The following SYT7 variants were observed in gnomAD, a reference collection of about 807,000 sequenced individuals.
SYT7 encodes synaptotagmin-7.
Under a neutral mutation model 75.1 loss-of-function variants are expected in SYT7, and 29 were observed. The ratio of observed to expected loss-of-function variants is 0.39; its 90% CI spans 0.29 to 0.53. The LOEUF (loss-of-function observed/expected upper bound fraction) is 0.53. Among genes scored for constraint, SYT7 ranks in the 20% least tolerant of loss-of-function variants. The pLI, the probability that SYT7 is intolerant of heterozygous loss-of-function variation, is 0.77. For synonymous variants in SYT7, 376 were observed against 401.7 expected (o/e 0.94, Z 0.76); for missense variants, 693 against 953.2 (o/e 0.73, Z 3.59).
At chr11:61,573,877 G>T (rs1488919380) in intron 1 of SYT7, among the ~76,000 whole-genome samples, 1 of 152,222 alleles carries the variant, frequency 6.6e-6, no homozygotes, top group Non-Finnish European at 1.5e-5. Flanking sequence ...ACACCCTTAG[G>T]TCTGGCAGCG....
chr11:61,540,669 T>C lies in SYT7; in HGVS notation c.941+1542A>G, dbSNP rs986606386. 2.6e-5 allele frequency: 26 copies of C among 985,490 alleles called. No individual in the cohort carries two copies. In the Admixed American group the frequency reaches 1.4e-3, roughly 51 times the overall value. The allele number at this position is 985,490 out of a possible 1,614,324, so 61.0% of individuals were successfully genotyped here. On this transcript the variant is annotated intron_variant, in intron 6 of 12. Coordinates refer to ENST00000539008, the MANE Select transcript of SYT7 (RefSeq NM_001365809.2). ...AGGGAAGAGATGGTACCCGGGTTCCTGGCAGGCCCCTGGCCCAGTTTAATG... is the reference window on the plus strand; with the variant it reads ...AGGGAAGAGATGGTACCCGGGTTCCCGGCAGGCCCCTGGCCCAGTTTAATG...
rs563290131 is a variant in SYT7, at chr11:61,574,247, C to T, written c.31+6543G>A. 2.8e-4 allele frequency among the ~76,000 whole-genome samples: 43 copies of T among 152,294 alleles called. No individual in the cohort carries two copies. In the South Asian group the frequency reaches 3.5e-3, roughly 12 times the overall value. ...GCCTTATCTCACCTCATCTTCCAAC[C>T]GCCTGGGAGGTAAGAACCATCATCA... On this transcript the variant is annotated intron_variant, in intron 1 of 12. Transcript: ENST00000539008.
chr11:61,559,191 C>G (rs2063576813), intron 1 of SYT7, among the ~76,000 whole-genome samples: 1 of 152,068 alleles, frequency 6.6e-6, no homozygotes, highest in South Asian at 2.1e-4. Context: ...AACAAAGGAC[C>G]CTGGGAGCAC....
chr11:61,517,762 G>A lies in SYT7; in HGVS notation c.*865C>T, dbSNP rs955395836. On this transcript the variant is annotated 3_prime_UTR_variant, in exon 13 of 13. Transcript: ENST00000539008. ...TGCACACAGTAGGTGCCTAAAAGGTGTGAGTCAGTGTTCAAGAGATGAAAT... is the reference window on the plus strand; with the variant it reads ...TGCACACAGTAGGTGCCTAAAAGGTATGAGTCAGTGTTCAAGAGATGAAAT... 2 of 393,984 alleles carry A rather than the reference G, an allele frequency of 5.1e-6. No homozygotes were observed. Among genetic ancestry groups the A allele is most frequent in the African/African-American group, 2.1e-5 (1 of 48,400 alleles). The allele number at this position is 393,984 out of a possible 1,614,324, so 24.4% of individuals were successfully genotyped here.
At position 61,551,425 on chromosome 11, in the gene SYT7, C is replaced by T. The variant is rs1477953005; in HGVS notation, c.174G>A (p.Thr58=). ...RYKNSLETVG[T]PDSGRGRSEK... ...CACTGCGCCCACGCCCTGAGTCTGG[C>T]GTGCCCACCGTCTCCAAGGAATTCT... The change falls in exon 3 of 13, where the codon ACG becomes ACA. Residue 58 remains threonine, a synonymous_variant. Transcript: ENST00000539008. This position sits in a 1 kb window ranked among gnomAD's most constrained non-coding sequence, Gnocchi z 5.3. 17 of 1,613,780 alleles carry T rather than the reference C, an allele frequency of 1.1e-5. No homozygotes were observed. The highest frequency in any genetic ancestry group is 1.1e-5 in the South Asian group (1 of 91,078).
rs552922507 is a variant in SYT7 at position 61,533,658 on chromosome 11, T to G, written c.1065-534A>C. The G allele has an allele frequency of 5.1e-6, 5 of 985,430 alleles. No homozygotes were observed. In the African/African-American group the frequency reaches 7.0e-5, roughly 14 times the overall value. The allele number at this position is 985,430 out of a possible 1,614,324, so 61.0% of individuals were successfully genotyped here. On this transcript the variant is annotated intron_variant, in intron 7 of 12. Coordinates refer to ENST00000539008, the MANE Select transcript of SYT7 (RefSeq NM_001365809.2). ...TCTTCCCACCCTCCAGACGTGAGAC[T>G]GACCAGGTGAGGTCAGGACAACTCT...
At chr11:61,538,342 A>AGAGG (rs1312192550) in intron 6 of SYT7, 76 bp from the exon 7 acceptor site, 19 of 848,890 alleles carry the variant, frequency 2.2e-5, no homozygotes, top group Admixed American at 7.7e-5. Context: ...GGAAGGAGAG[A>AGAGG]GAGGGAGAGA....
the SYT7 span, among the ~76,000 whole-genome samples, chr11:61,586,825 C>T: frequency 1.3e-5 from 2 of 152,108 alleles, no homozygotes; most frequent in African/African-American, 2.4e-5. Context: ...GGTCTATCCA[C>T]ACCTTTTCTC....
Position 61,580,547 on chromosome 11 carries a change from C to G in SYT7, c.31+243G>C. On this transcript the variant is annotated intron_variant, in intron 1 of 12. Coordinates refer to ENST00000539008, the MANE Select transcript of SYT7 (RefSeq NM_001365809.2). This position sits in a 1 kb window ranked among gnomAD's most constrained non-coding sequence, Gnocchi z 6.1. ...GCTGTTGAGGGGTGGGGGAGAGGTC[C>G]TTGTGGGGACACTGCGAAGCCGGTC... 6.6e-6 allele frequency among the ~76,000 whole-genome samples: 1 copy of G among 152,144 alleles called. No individual in the cohort carries two copies. Among genetic ancestry groups the G allele is most frequent in the East Asian group, 1.9e-4 (1 of 5,166 alleles).
chr11:61,542,439 C>G lies in SYT7; in HGVS notation c.713G>C (p.Arg238Pro). 1 of 1,532,706 alleles carries G rather than the reference C, an allele frequency of 6.5e-7. No individual in the cohort carries two copies. The highest frequency in any genetic ancestry group is 1.2e-5 in the South Asian group (1 of 83,856). The allele number at this position is 1,532,706 out of a possible 1,614,324, so 94.9% of individuals were successfully genotyped here. Residue 238 changes from arginine to proline, a missense_variant, in exon 6 of 13, where the codon CGG (arginine) becomes CCG (proline). Around this residue, in one of 2 missense-constraint regions of SYT7, gnomAD observed 487 missense variants for 593.2 expected, o/e 0.82. Transcript: ENST00000539008. This position sits in a 1 kb window ranked among gnomAD's most constrained non-coding sequence, Gnocchi z 7.8. ...QQPLSQHQRG[R>P]QPSQPTTSQS... Reference sequence around the variant, plus strand: ...GCTGGTGGTGGGCTGGCTGGGCTGCCGGCCCCGCTGGTGCTGGCTCAGCGG... The same window carrying G: ...GCTGGTGGTGGGCTGGCTGGGCTGCGGGCCCCGCTGGTGCTGGCTCAGCGG...
chr11:61,581,004 G>T lies in SYT7; in HGVS notation c.-184C>A. 4.4e-6 allele frequency: 2 copies of T among 451,378 alleles called. No homozygotes were observed. Among genetic ancestry groups the T allele is most frequent in the Non-Finnish European group, 5.7e-6 (2 of 349,312 alleles). 28.0% of individuals were successfully genotyped at this position (451,378 alleles called of 1,614,324 possible). A position where few individuals can be genotyped will look rare whatever the true frequency, so the allele number is the denominator to read the frequency against. On this transcript the variant is annotated 5_prime_UTR_variant, in exon 1 of 13. Transcript: ENST00000539008. ...GGGCCGCCCGCCAGCCCTCCCGCCC[G>T]CCCGCGGAGCACGCTGCCGCCGCCG...
intron 1 of SYT7, among the ~76,000 whole-genome samples, chr11:61,561,022 C>A (rs530777898): frequency 1.3e-5 from 2 of 152,280 alleles, no homozygotes; most frequent in South Asian, 4.1e-4. Context: ...AAATCCTTGC[C>A]GACAGTTCTA....
chr11:61,568,585 A>G (rs1028716357), intron 1 of SYT7, among the ~76,000 whole-genome samples: 4 of 152,222 alleles, frequency 2.6e-5, no homozygotes, highest in Non-Finnish European at 4.4e-5. Context: ...TGGTGCAGCC[A>G]GCGAGTGCTG....
intron 9 of SYT7, chr11:61,526,185 ACT>A (rs1204084563): frequency 1.3e-5 from 2 of 152,034 alleles, no homozygotes; most frequent in African/African-American, 2.4e-5. Flanking sequence ...GGAAGAGGAG[ACT>A]CTGAATTTGT....
rs1448858411 is a variant in SYT7, at chr11:61,553,015, A to C, written c.136-1552T>G. The stretch of plus-strand genomic sequence containing the variant: ...ACCTGGTACTGGGCAGTTCTCAGAA[A>C]TCATCACCTGGAAGTGTCCCTTCTA... On this transcript the variant is annotated intron_variant, in intron 2 of 12. Transcript: ENST00000539008. This position sits in a 1 kb window ranked among gnomAD's most constrained non-coding sequence, Gnocchi z 5.2. Among the ~76,000 whole-genome samples, 2 of 152,156 alleles carry C rather than the reference A, an allele frequency of 1.3e-5. No individual in the cohort carries two copies. The highest frequency in any genetic ancestry group is 1.3e-4 in the Admixed American group (2 of 15,282).
At chr11:61,519,490 G>A in intron 12 of SYT7, among the ~76,000 whole-genome samples, 1 of 152,234 alleles carries the variant, frequency 6.6e-6, no homozygotes, top group Non-Finnish European at 1.5e-5. Context: ...AGACCGTTAA[G>A]ATCATAGAGA....
upstream of SYT7, among the ~76,000 whole-genome samples, chr11:61,585,526 C>A (rs995741564): frequency 6.6e-6 from 1 of 152,136 alleles, no homozygotes; most frequent in African/African-American, 2.4e-5. Context: ...CCTAGACTTC[C>A]CCTTCCTCCT....
chr11:61,524,326 C>T lies in SYT7; in HGVS notation c.1641+37G>A. On this transcript the variant is annotated intron_variant, in intron 10 of 12. Transcript: ENST00000539008. This position sits in a 1 kb window ranked among gnomAD's most constrained non-coding sequence, Gnocchi z 4.1. ...GACCAGATCTCCCAGCCCTGCCCTGCTGCCTGTCCAGCTAAGACCCACCCA... is the reference window on the plus strand; with the variant it reads ...GACCAGATCTCCCAGCCCTGCCCTGTTGCCTGTCCAGCTAAGACCCACCCA... 2 of 1,610,028 alleles carry T rather than the reference C, an allele frequency of 1.2e-6. No homozygotes were observed. Among genetic ancestry groups the T allele is most frequent in the Admixed American group, 1.7e-5 (1 of 59,608 alleles).
chr11:61,539,050 C>T (rs2062965540), intron 6 of SYT7, among the ~76,000 whole-genome samples: 1 of 152,206 alleles, frequency 6.6e-6, no homozygotes, highest in African/African-American at 2.4e-5. Flanking sequence ...ATGAGCACCA[C>T]CGCTGAGTCC....
Sources: allele counts gnomAD v4.1 joint callset (sites outside exome capture counted in the v4.1 genomes callset), GRCh38; gene constraint gnomAD v4.1.1; regional missense constraint gnomAD v4.1.1; non-coding constraint Gnocchi (gnomAD v3.1); transcripts MANE v1.5; gene names NCBI Gene and HGNC (gene_info 2026-07-23, HGNC 2026-07-21).